The following SEMA6D variants were observed in gnomAD, a reference collection of about 807,000 sequenced individuals.
The protein encoded by SEMA6D is semaphorin 6D.
SEMA6D carries 35 observed loss-of-function variants against 106.6 expected under a neutral mutation model. The ratio of observed to expected loss-of-function variants is 0.33; its 90% CI spans 0.25 to 0.44. SEMA6D has a LOEUF of 0.44. Among genes scored for constraint, SEMA6D ranks in the 20% least tolerant of loss-of-function variants. The probability of loss-of-function intolerance (pLI) is 1.00; values close to 1 mark genes in which losing one functional copy is unlikely to be tolerated. For missense variants in SEMA6D, 1,185 were observed against 1,345.9 expected (o/e 0.88, Z 1.87); for synonymous variants, 499 against 487.7 (o/e 1.02, Z -0.31).
chr15:47,358,517 G>A (rs764517894), intron 1 of SEMA6D, among the ~76,000 whole-genome samples: 20 of 152,206 alleles, frequency 1.3e-4, no homozygotes, highest in Non-Finnish European at 2.9e-5. Context: ...AAGAGGTAAA[G>A]GAATGAACTG....
At chr15:47,755,186 A>G (rs1322836602) in intron 1 of SEMA6D, among the ~76,000 whole-genome samples, 2 of 151,988 alleles carry the variant, frequency 1.3e-5, no homozygotes, top group Non-Finnish European at 2.9e-5. Flanking sequence ...TCCTGACCTC[A>G]TGATCCCCCC....
At chr15:47,733,827 G>C (rs781181013) in intron 1 of SEMA6D, among the ~76,000 whole-genome samples, 3 of 152,118 alleles carry the variant, frequency 2.0e-5, no homozygotes, top group Non-Finnish European at 4.4e-5. Flanking sequence ...AAGGATGTTT[G>C]GCAATATGTA....
intron 1 of SEMA6D, among the ~76,000 whole-genome samples, chr15:47,345,438 A>T (rs563298): frequency 0.47 from 70,950 of 151,944 alleles, 19,683 homozygotes; most frequent in South Asian, 0.61. Context: ...ACAAGAGTAA[A>T]TACAATTTAA....
chr15:47,667,757 C>T (rs1334641665), intron 4 of SEMA6D, among the ~76,000 whole-genome samples: 1 of 152,020 alleles, frequency 6.6e-6, no homozygotes, highest in African/African-American at 2.4e-5. Flanking sequence ...CCCAAAGGCC[C>T]CACCTCCAAA....
intron 3 of SEMA6D, among the ~76,000 whole-genome samples, chr15:47,566,802 T>C (rs1898116): frequency 0.99 from 150,984 of 152,334 alleles, 74,834 homozygotes; most frequent in Middle Eastern, 1. Context: ...GCTTCCAGTG[T>C]CTGTCACGTG....
rs568750424 is a variant in SEMA6D, at chr15:47,386,481, G to A, written c.-238-25912G>A. Among the ~76,000 whole-genome samples the A allele has an allele frequency of 2.8e-4, 43 of 152,316 alleles. 1 individual carries two copies. The highest frequency in any genetic ancestry group is 1.0e-3 in the South Asian group (5 of 4,828). ...GAGGCGGGTGCTGGGAGAAATGTCA[G>A]ACCTTAATCCAAGACTGGCTTCAGG... On this transcript the variant is annotated intron_variant, in intron 1 of 19. Transcript: ENST00000558014.
chr15:47,653,287 A>G (rs1446427369), intron 4 of SEMA6D, among the ~76,000 whole-genome samples: 1 of 152,216 alleles, frequency 6.6e-6, no homozygotes, highest in Admixed American at 6.5e-5. Flanking sequence ...TTAATGTGTG[A>G]TGGAATCTGC....
chr15:47,644,970 G>A (rs2077554207), intron 4 of SEMA6D, among the ~76,000 whole-genome samples: 1 of 152,128 alleles, frequency 6.6e-6, no homozygotes. Context: ...AGATTTTTCA[G>A]GGACACAGCA....
intron 1 of SEMA6D, among the ~76,000 whole-genome samples, chr15:47,395,056 C>T (rs1224989856): frequency 1.3e-5 from 2 of 152,080 alleles, no homozygotes; most frequent in East Asian, 3.9e-4. Flanking sequence ...GTTTTAAAAA[C>T]TGAGAAATGA....
chr15:47,758,079 C>T lies in SEMA6D; in HGVS notation c.-54-1666C>T, dbSNP rs181393869. Among the ~76,000 whole-genome samples, 632 of 152,330 alleles carry T rather than the reference C, an allele frequency of 4.1e-3. 13 individuals carry two copies. Among genetic ancestry groups the T allele is most frequent in the African/African-American group, 0.014 (598 of 41,578 alleles). Reference sequence around the variant, plus strand: ...GTACAAAATGATGCCAGCACAGTTTCCATTCCACCTGCTTTTTGTAAGGCA... The same window carrying T: ...GTACAAAATGATGCCAGCACAGTTTTCATTCCACCTGCTTTTTGTAAGGCA... On this transcript the variant is annotated intron_variant, in intron 1 of 18. Coordinates refer to ENST00000536845, the MANE Select transcript of SEMA6D (RefSeq NM_001358351.3).
At chr15:47,375,316 CTGTT>C (rs2039411586) in intron 1 of SEMA6D, among the ~76,000 whole-genome samples, 1 of 152,126 alleles carries the variant, frequency 6.6e-6, no homozygotes, top group South Asian at 2.1e-4. Flanking sequence ...TTTCAGCTGC[CTGTT>C]TGTCAACTAT....
intron 1 of SEMA6D, among the ~76,000 whole-genome samples, chr15:47,293,685 G>A (rs1160563627): frequency 6.6e-6 from 1 of 152,216 alleles, no homozygotes; most frequent in Admixed American, 6.5e-5. Context: ...TGGCAGTAGG[G>A]AGTAGGAAAG....
intron 3 of SEMA6D, among the ~76,000 whole-genome samples, chr15:47,582,770 C>T (rs775950013): frequency 6.6e-6 from 1 of 152,186 alleles, no homozygotes; most frequent in Admixed American, 6.5e-5. Context: ...CCACCCTCAG[C>T]CTGCCAGCCT....
At chr15:47,727,197 C>T (rs1453101310) in intron 1 of SEMA6D, among the ~76,000 whole-genome samples, 2 of 152,176 alleles carry the variant, frequency 1.3e-5, no homozygotes, top group South Asian at 2.1e-4. Flanking sequence ...TCCAGGCCAT[C>T]TCTGTCGTCA....
At chr15:47,664,520 C>T (rs1005664588) in intron 4 of SEMA6D, among the ~76,000 whole-genome samples, 13 of 152,176 alleles carry the variant, frequency 8.5e-5, no homozygotes, top group African/African-American at 2.9e-4. Flanking sequence ...ATTCAAAAAG[C>T]ATGCAAATGT....
chr15:47,625,583 A>T (rs1823045640), intron 4 of SEMA6D, among the ~76,000 whole-genome samples: 1 of 151,990 alleles, frequency 6.6e-6, no homozygotes, highest in Non-Finnish European at 1.5e-5. Flanking sequence ...TTACAAAAAA[A>T]AATTAGCCAG....
intron 1 of SEMA6D, among the ~76,000 whole-genome samples, chr15:47,341,139 C>T (rs975484785): frequency 6.6e-6 from 1 of 152,098 alleles, no homozygotes; most frequent in Non-Finnish European, 1.5e-5. Context: ...CCTGTAATCC[C>T]AGCACCTTGG....
intron 4 of SEMA6D, among the ~76,000 whole-genome samples, chr15:47,644,985 G>T (rs1169860775): frequency 6.6e-6 from 1 of 152,152 alleles, no homozygotes; most frequent in Non-Finnish European, 1.5e-5. Context: ...ACAGCATGCT[G>T]ATCTGTGTGT....
At chr15:47,396,500 G>A (rs1370209104) in intron 1 of SEMA6D, 1 of 152,450 alleles carries the variant, frequency 6.6e-6, no homozygotes, top group Non-Finnish European at 1.5e-5. Context: ...CAAATCACTG[G>A]TGTAAGTCAA....
Sources: allele counts gnomAD v4.1 joint callset (sites outside exome capture counted in the v4.1 genomes callset), GRCh38; gene constraint gnomAD v4.1.1; transcripts MANE v1.5; gene names NCBI Gene and HGNC (gene_info 2026-07-23, HGNC 2026-07-21).